UIMC1: variants seen among roughly 807,000 people sequenced by gnomAD.
UIMC1 encodes the protein BRCA1-A complex subunit RAP80.
In UIMC1, 42 loss-of-function variants were observed where a neutral mutation model predicts 84.9. That is an observed-to-expected ratio of 0.49 (90% confidence interval 0.39 to 0.64). The LOEUF is 0.64. UIMC1 is among the 30% of genes least tolerant of loss of function. The probability of loss-of-function intolerance (pLI) is 0.00; values close to 1 mark genes in which losing one functional copy is unlikely to be tolerated. For missense variants in UIMC1, 825 were observed against 847.6 expected (o/e 0.97, Z 0.33); for synonymous variants, 281 against 293.0 (o/e 0.96, Z 0.42).
rs193203980 is a variant in UIMC1, at chr5:177,002,462, T to C, written c.-9+4188A>G. ...CATTGAACTGTACAATTAAGACGGG[T>C]TCACTCTACTGTATATAAATGATAT... On this transcript the variant is annotated intron_variant, in intron 1 of 14. Coordinates refer to ENST00000511320, the MANE Select transcript of UIMC1 (RefSeq NM_001199298.2). Among the ~76,000 whole-genome samples, 418 of 152,208 alleles carry C rather than the reference T, an allele frequency of 2.7e-3. 2 individuals are homozygous for C. The highest frequency in any genetic ancestry group is 2.3e-3 in the Non-Finnish European group (155 of 68,036).
chr5:176,969,616 A>G lies in UIMC1; in HGVS notation c.448T>C (p.Ser150Pro). 1 of 1,614,176 alleles carries G rather than the reference A, an allele frequency of 6.2e-7. No individual in the cohort carries two copies. The highest frequency in any genetic ancestry group is 8.5e-7 in the Non-Finnish European group (1 of 1,180,036). ...GGAGACATGCCTTCAGTGAGCCCAG[A>G]GTCTGTGGTTTTCTCTTGATGGGAC... is the stretch of plus-strand genomic sequence containing the variant. ...SQSHQEKTTD[S>P]GLTEGIWQLV... is the part of the protein sequence containing the mutation. Residue 150 changes from serine to proline, a missense_variant, in exon 5 of 15, where the codon TCT becomes CCT. Coordinates refer to ENST00000511320, the MANE Select transcript of UIMC1 (RefSeq NM_001199298.2).
At chr5:176,999,007 C>G (rs553146519) in intron 1 of UIMC1, among the ~76,000 whole-genome samples, 1 of 151,856 alleles carries the variant, frequency 6.6e-6, no homozygotes, top group Non-Finnish European at 1.5e-5. Flanking sequence ...CTGGGCAACA[C>G]AGCAAGACCC....
chr5:176,969,092 A>C lies in UIMC1; in HGVS notation c.663T>G (p.Thr221=), dbSNP rs1768792052. Reference sequence around the variant, plus strand: ...ACTGTGTGTGCTCAGCCGAGTGGCCAGTACATCTGTCAAAAGATTTAACGT... The same window carrying C: ...ACTGTGTGTGCTCAGCCGAGTGGCCCGTACATCTGTCAAAAGATTTAACGT... The part of the protein sequence containing the change: ...NVNVKSFDRC[T]GHSAEHTQCG... The change falls in exon 6 of 15, where the codon ACT becomes ACG. Residue 221 remains threonine (T), a synonymous_variant. Transcript: ENST00000511320. The C allele has an allele frequency of 1.1e-5, 17 of 1,614,214 alleles. No homozygotes were observed. The highest frequency in any genetic ancestry group is 1.4e-5 in the Non-Finnish European group (17 of 1,180,034).
At chr5:176,965,738 C>A (rs975929621) in intron 6 of UIMC1, among the ~76,000 whole-genome samples, 1 of 152,172 alleles carries the variant, frequency 6.6e-6, no homozygotes, top group African/African-American at 2.4e-5. Context: ...CAAAGAACTT[C>A]AATCTAATTA....
chr5:176,999,211 T>C (rs137898451), intron 1 of UIMC1, among the ~76,000 whole-genome samples: 1,633 of 152,266 alleles, frequency 0.011, 10 homozygotes, highest in South Asian at 0.025. Flanking sequence ...AATCTTGCAG[T>C]ATTTTTAAGT....
chr5:176,921,902 A>C (rs1019610733), intron 10 of UIMC1, among the ~76,000 whole-genome samples: 1 of 152,142 alleles, frequency 6.6e-6, no homozygotes. Flanking sequence ...ACCTCACCTC[A>C]CATGATCTGA....
chr5:176,910,772 C>CA (rs796862591), intron 11 of UIMC1, among the ~76,000 whole-genome samples: 4 of 152,220 alleles, frequency 2.6e-5, no homozygotes, highest in African/African-American at 9.6e-5. Flanking sequence ...AGGCCACCTA[C>CA]ACTGACAGAG....
chr5:176,990,116 G>C (rs1431880509), intron 1 of UIMC1, among the ~76,000 whole-genome samples: 1 of 151,798 alleles, frequency 6.6e-6, no homozygotes, highest in African/African-American at 2.4e-5. Context: ...GGGAGGTGGA[G>C]CTTGCAGTGA....
At chr5:176,986,388 G>T (rs187038676) in intron 1 of UIMC1, among the ~76,000 whole-genome samples, 873 of 67,332 alleles carry the variant, frequency 0.013, 5 homozygotes, top group Middle Eastern at 0.044. Flanking sequence ...AAAAAAAAAA[G>T]TAAGGCACAC....
At chr5:176,958,474 G>A (rs957857470) in intron 6 of UIMC1, among the ~76,000 whole-genome samples, 32 of 152,188 alleles carry the variant, frequency 2.1e-4, no homozygotes, top group African/African-American at 7.7e-4. Flanking sequence ...TGTACACAAT[G>A]CACTTCATAA....
chr5:176,932,690 T>C (rs1763258136), intron 10 of UIMC1, among the ~76,000 whole-genome samples: 1 of 152,182 alleles, frequency 6.6e-6, no homozygotes, highest in African/African-American at 2.4e-5. Flanking sequence ...TACTTTTCTA[T>C]TCAGTGGAAG....
At chr5:177,020,472 C>T (rs1775764798) in intron 1 of UIMC1, among the ~76,000 whole-genome samples, 1 of 152,136 alleles carries the variant, frequency 6.6e-6, no homozygotes, top group Non-Finnish European at 1.5e-5. Context: ...GCTCTGTTGC[C>T]CAGGATGGAG....
At chr5:176,918,078 A>T (rs1210804865) in intron 10 of UIMC1, among the ~76,000 whole-genome samples, 1 of 152,230 alleles carries the variant, frequency 6.6e-6, no homozygotes, top group Non-Finnish European at 1.5e-5. Context: ...ATCATTGCAC[A>T]AGTTCCCATT....
intron 1 of UIMC1, among the ~76,000 whole-genome samples, chr5:177,004,266 T>C (rs1366098458): frequency 6.6e-6 from 1 of 152,082 alleles, no homozygotes; most frequent in African/African-American, 2.4e-5. Flanking sequence ...AGATGATGGA[T>C]CAATAAGAAG....
intron 8 of UIMC1, among the ~76,000 whole-genome samples, chr5:176,954,295 G>A (rs763849224): frequency 6.6e-6 from 1 of 152,128 alleles, no homozygotes; most frequent in Non-Finnish European, 1.5e-5. Context: ...CCAGACAGAG[G>A]GGGAAAGCTT....
chr5:177,017,338 C>T (rs1561943589), intron 1 of UIMC1, among the ~76,000 whole-genome samples: 1 of 152,182 alleles, frequency 6.6e-6, no homozygotes, highest in Non-Finnish European at 1.5e-5. Flanking sequence ...ATGGTAGATT[C>T]ATTGTCCCAC....
chr5:176,916,597 G>A (rs1015800511), intron 10 of UIMC1, among the ~76,000 whole-genome samples: 6 of 152,166 alleles, frequency 3.9e-5, no homozygotes, highest in Non-Finnish European at 5.9e-5. Context: ...AATGAGTTTT[G>A]CTAACAATCA....
chr5:176,950,687 T>C (rs1765762473), intron 9 of UIMC1, among the ~76,000 whole-genome samples: 1 of 151,844 alleles, frequency 6.6e-6, no homozygotes, highest in South Asian at 2.1e-4. Context: ...CTGGCCAACG[T>C]GGTGAAACCC....
intron 10 of UIMC1, among the ~76,000 whole-genome samples, chr5:176,922,979 A>T (rs533337432): frequency 1.1e-4 from 16 of 152,332 alleles, no homozygotes; most frequent in Admixed American, 2.6e-4. Context: ...CTGGCATTGC[A>T]GTACTGTCTT....
Sources: allele counts gnomAD v4.1 joint callset (sites outside exome capture counted in the v4.1 genomes callset), GRCh38; gene constraint gnomAD v4.1.1; transcripts MANE v1.5; gene names NCBI Gene and HGNC (gene_info 2026-07-23, HGNC 2026-07-21).